Variants in PBX1 observed in about 807,000 individuals in gnomAD.
PBX1 encodes the protein PBX homeobox 1.
Under a neutral mutation model 53.4 loss-of-function variants are expected in PBX1, and 6 were observed. The ratio of observed to expected loss-of-function variants is 0.11; its 90% confidence interval spans 0.06 to 0.22. The LOEUF is 0.22. Among genes scored for constraint, PBX1 ranks in the 10% least tolerant of loss-of-function variants. The pLI is 1.00. For synonymous variants in PBX1, 204 were observed against 212.3 expected, an observed-to-expected ratio of 0.96 and a Z score of 0.34; for missense variants, 251 against 551.4, an observed-to-expected ratio of 0.46 and a Z score of 5.46.
intron 2 of PBX1, among the ~76,000 whole-genome samples, chr1:164,863,613 C>T (rs372615715): frequency 2.6e-5 from 4 of 152,132 alleles, no homozygotes; most frequent in African/African-American, 9.7e-5. Context: ...AATTTGTCAA[C>T]GGGGTCAACA....
Position 164,717,125 on chromosome 1 carries a change from T to C in PBX1, c.266-75369T>C, listed in dbSNP as rs533360795. ...AGCCATTTTCTCTGCATCTCAGTTTTTGTACGGGTAAAATAAAGGAAGTGA... is the reference window on the plus strand; with the variant it reads ...AGCCATTTTCTCTGCATCTCAGTTTCTGTACGGGTAAAATAAAGGAAGTGA... On this transcript the variant is annotated intron_variant, in intron 2 of 8. Coordinates refer to ENST00000420696, the MANE Select transcript of PBX1 (RefSeq NM_002585.4). 2.0e-5 allele frequency among the ~76,000 whole-genome samples: 3 copies of C among 152,274 alleles called. No individual in the cohort carries two copies. The East Asian group carries it at 5.8e-4, about 29-fold the overall frequency.
chr1:164,732,114 CT>C (rs1488464331), intron 2 of PBX1, among the ~76,000 whole-genome samples: 4 of 152,174 alleles, frequency 2.6e-5, no homozygotes, highest in Non-Finnish European at 4.4e-5. Context: ...TATTCTTTCT[CT>C]GGTGCTACAC....
At chr1:164,673,279 C>T (rs904539852) in intron 2 of PBX1, among the ~76,000 whole-genome samples, 2 of 151,968 alleles carry the variant, frequency 1.3e-5, no homozygotes, top group African/African-American at 4.8e-5. Context: ...TGTTTGTCAC[C>T]TATACTAAGA....
At chr1:164,808,773 C>T (rs1346359436) in intron 5 of PBX1, among the ~76,000 whole-genome samples, 3 of 152,138 alleles carry the variant, frequency 2.0e-5, no homozygotes, top group Non-Finnish European at 4.4e-5. Flanking sequence ...AAGGGACTGT[C>T]CAAGCCTTCC....
intron 2 of PBX1, among the ~76,000 whole-genome samples, chr1:164,884,942 G>A (rs1448407396): frequency 6.6e-6 from 1 of 152,278 alleles, no homozygotes; most frequent in East Asian, 1.9e-4. Context: ...AATTAAGAAA[G>A]CAAGAGTTGT....
At chr1:164,576,470 C>A (rs573409303) in intron 2 of PBX1, among the ~76,000 whole-genome samples, 1 of 152,212 alleles carries the variant, frequency 6.6e-6, no homozygotes, top group South Asian at 2.1e-4. Context: ...CCCGTTCGGG[C>A]GTGCGGCCCC....
At chr1:164,572,162 C>T (rs1351929182) in intron 2 of PBX1, among the ~76,000 whole-genome samples, 2 of 151,832 alleles carry the variant, frequency 1.3e-5, no homozygotes, top group Non-Finnish European at 2.9e-5. Flanking sequence ...CGGCCTTGGT[C>T]TCCCAAAGTG....
intron 2 of PBX1, among the ~76,000 whole-genome samples, chr1:164,882,540 G>A (rs1672685139): frequency 6.6e-6 from 1 of 152,120 alleles, no homozygotes; most frequent in Non-Finnish European, 1.5e-5. Flanking sequence ...TAGGCCCTCA[G>A]TACCAAGGGC....
At chr1:164,701,305 ACTT>A (rs1033659895) in intron 2 of PBX1, among the ~76,000 whole-genome samples, 3 of 152,092 alleles carry the variant, frequency 2.0e-5, no homozygotes, top group Non-Finnish European at 4.4e-5. Flanking sequence ...CATTTTTTGA[ACTT>A]CACCAATTGT....
At chr1:164,718,652 C>T (rs567401411) in intron 2 of PBX1, among the ~76,000 whole-genome samples, 2 of 152,248 alleles carry the variant, frequency 1.3e-5, no homozygotes, top group East Asian at 3.9e-4. Context: ...AGGATGAGCC[C>T]AGCCCACCTC....
chr1:164,710,392 G>A (rs1663685479), intron 2 of PBX1, among the ~76,000 whole-genome samples: 1 of 151,996 alleles, frequency 6.6e-6, no homozygotes, highest in Non-Finnish European at 1.5e-5. Context: ...GCAGTGGAAG[G>A]TGCTGGTTTT....
intron 2 of PBX1, among the ~76,000 whole-genome samples, chr1:164,773,796 AG>A (rs1244142598): frequency 6.6e-6 from 1 of 152,176 alleles, no homozygotes; most frequent in Admixed American, 6.5e-5. Context: ...GGTGTTGGGA[AG>A]GCATTGGAAA....
chr1:164,854,064 C>T (rs1165477742), downstream of PBX1, among the ~76,000 whole-genome samples: 1 of 151,816 alleles, frequency 6.6e-6, no homozygotes, highest in Non-Finnish European at 1.5e-5. Context: ...CACCACCATG[C>T]CCAAATAATT....
intron 2 of PBX1, among the ~76,000 whole-genome samples, chr1:164,786,538 G>C (rs1305994315): frequency 6.6e-6 from 1 of 152,092 alleles, no homozygotes; most frequent in Non-Finnish European, 1.5e-5. Context: ...CCATGATGGT[G>C]GAAAGAGGTA....
intron 3 of PBX1, among the ~76,000 whole-genome samples, chr1:164,796,278 G>T (rs1571423801): frequency 1.3e-5 from 2 of 152,142 alleles, no homozygotes; most frequent in African/African-American, 2.4e-5. Context: ...AAAGTGCTAG[G>T]ATTACAGGCG....
chr1:164,755,057 G>T (rs1381937151), intron 2 of PBX1, among the ~76,000 whole-genome samples: 1 of 152,184 alleles, frequency 6.6e-6, no homozygotes, highest in Non-Finnish European at 1.5e-5. Flanking sequence ...TTGGACCTTT[G>T]ATGGAAGAAC....
At chr1:164,653,015 C>T (rs542178636) in intron 2 of PBX1, among the ~76,000 whole-genome samples, 16 of 151,808 alleles carry the variant, frequency 1.1e-4, no homozygotes, top group South Asian at 2.1e-4. Flanking sequence ...TACAGGTGTG[C>T]GCCACCACAC....
At chr1:164,762,969 G>C (rs776115033) in intron 2 of PBX1, among the ~76,000 whole-genome samples, 4 of 152,144 alleles carry the variant, frequency 2.6e-5, no homozygotes, top group Non-Finnish European at 4.4e-5. Context: ...ATAATTTCCA[G>C]TGTACCAAGT....
At chr1:164,677,259 A>T (rs1466803462) in intron 2 of PBX1, among the ~76,000 whole-genome samples, 2 of 149,026 alleles carry the variant, frequency 1.3e-5, no homozygotes, top group Non-Finnish European at 3.0e-5. Context: ...CGCCCGGCTA[A>T]TTTTTTGTAT....
Sources: gnomAD v4.1 joint callset for allele counts (sites outside exome capture counted in the v4.1 genomes callset) on GRCh38, gnomAD v4.1.1 for gene constraint, MANE v1.5 for transcripts, NCBI Gene and HGNC (gene_info 2026-07-23, HGNC 2026-07-21) for gene names.